Variants in MARCHF1 observed in about 807,000 individuals in gnomAD.
The protein encoded by MARCHF1 is membrane associated ring-CH-type finger 1.
Under a neutral mutation model 54.2 loss-of-function variants are expected in MARCHF1, and 40 were observed. That is an observed-to-expected ratio of 0.74 (90% CI 0.57 to 0.96). The LOEUF (loss-of-function observed/expected upper bound fraction) is 0.96. MARCHF1 is among the 40% of genes least tolerant of loss of function. The pLI is 0.00. For synonymous variants in MARCHF1, 236 were observed against 236.3 expected (o/e 1.00, Z 0.01); for missense variants, 586 against 656.5 (o/e 0.89, Z 1.17).
chr4:164,332,814 A>C (rs1729595210), intron 1 of MARCHF1, among the ~76,000 whole-genome samples: 1 of 152,200 alleles, frequency 6.6e-6, no homozygotes, highest in South Asian at 2.1e-4. Context: ...TTAGAAAAAA[A>C]CACATTAACA....
intron 1 of MARCHF1, among the ~76,000 whole-genome samples, chr4:164,381,553 C>T (rs1449460362): frequency 1.3e-5 from 2 of 152,138 alleles, no homozygotes; most frequent in Non-Finnish European, 1.5e-5. Context: ...AACATCTTAT[C>T]GCTAAAGGTA....
rs1445346493 is a variant in MARCHF1, at chr4:163,634,167, A to C, written c.163-20774T>G. Among the ~76,000 whole-genome samples, 4 of 152,260 alleles carry C rather than the reference A, an allele frequency of 2.6e-5. No individual in the cohort carries two copies. In the East Asian group the frequency reaches 5.8e-4, roughly 22 times the overall value. On this transcript the variant is annotated intron_variant, in intron 5 of 9. Coordinates refer to ENST00000514618, the MANE Select transcript of MARCHF1 (RefSeq NM_001394959.1). ...ATGCCAAAATGTAAAGACCATAGAG[A>C]CTAGGAAGAAACTGCATCAACTAAT...
intron 4 of MARCHF1, among the ~76,000 whole-genome samples, chr4:163,818,271 T>G (rs1048214730): frequency 2.6e-5 from 4 of 152,084 alleles, no homozygotes; most frequent in African/African-American, 9.7e-5. Context: ...ATTATTATTT[T>G]TTTAAGTTCC....
chr4:164,337,635 C>T (rs1030473961), intron 1 of MARCHF1, among the ~76,000 whole-genome samples: 1 of 152,224 alleles, frequency 6.6e-6, no homozygotes, highest in African/African-American at 2.4e-5. Flanking sequence ...GTGTACACCT[C>T]CTAACTAGCC....
At chr4:163,631,046 G>C (rs1033187068) in intron 5 of MARCHF1, among the ~76,000 whole-genome samples, 1 of 152,152 alleles carries the variant, frequency 6.6e-6, no homozygotes, top group Non-Finnish European at 1.5e-5. Context: ...GTGATTCCCA[G>C]TTTCATAGAA....
intron 1 of MARCHF1, among the ~76,000 whole-genome samples, chr4:164,268,422 T>C (rs1364574095): frequency 6.6e-6 from 1 of 152,152 alleles, no homozygotes; most frequent in Non-Finnish European, 1.5e-5. Flanking sequence ...GGATTAGACA[T>C]AGCAGGTTTG....
intron 4 of MARCHF1, among the ~76,000 whole-genome samples, chr4:163,781,113 GGGC>G (rs1747452928): frequency 6.6e-6 from 1 of 152,080 alleles, no homozygotes; most frequent in Non-Finnish European, 1.5e-5. Context: ...GGAGGCCAAG[GGGC>G]GGGGGGGGTG....
At chr4:164,286,232 T>C (rs1197942126) in intron 1 of MARCHF1, among the ~76,000 whole-genome samples, 4 of 152,264 alleles carry the variant, frequency 2.6e-5, no homozygotes, top group South Asian at 2.1e-4. Context: ...CTGGCAACCT[T>C]ACACAGGAGA....
intron 3 of MARCHF1, among the ~76,000 whole-genome samples, chr4:163,895,806 A>T (rs1750793395): frequency 6.6e-6 from 1 of 152,140 alleles, no homozygotes; most frequent in Non-Finnish European, 1.5e-5. Context: ...CTCGGCTGTC[A>T]CTATGACATG....
chr4:164,109,911 G>GT (rs1649837036), intron 2 of MARCHF1, among the ~76,000 whole-genome samples: 1 of 16,012 alleles, frequency 6.2e-5, no homozygotes, highest in African/African-American at 2.2e-4. Flanking sequence ...TAAAATAAAA[G>GT]TAAAAAAAAA....
intron 1 of MARCHF1, among the ~76,000 whole-genome samples, chr4:164,257,400 T>C (rs1163600475): frequency 2.6e-5 from 4 of 152,016 alleles, no homozygotes; most frequent in African/African-American, 9.7e-5. Flanking sequence ...ACCTTAGAGA[T>C]ATATTGGAGG....
chr4:163,888,124 C>T lies in MARCHF1; in HGVS notation c.-38-33955G>A, dbSNP rs145229449. ...GTTGGGTGCAACAAACCCCATGACA[C>T]GTGTATACCTATGTAACAAACCTGT... On this transcript the variant is annotated intron_variant, in intron 3 of 9. Coordinates refer to ENST00000514618, the MANE Select transcript of MARCHF1 (RefSeq NM_001394959.1). Among the ~76,000 whole-genome samples, 341 of 152,214 alleles carry T rather than the reference C, an allele frequency of 2.2e-3. 2 individuals are homozygous for T. The highest frequency in any genetic ancestry group is 6.8e-3 in the Middle Eastern group (2 of 294).
chr4:163,869,134 G>C (rs1331144797), intron 3 of MARCHF1, among the ~76,000 whole-genome samples: 2 of 151,662 alleles, frequency 1.3e-5, no homozygotes, highest in African/African-American at 4.8e-5. Flanking sequence ...AAGATCTCTA[G>C]AGAAGCTAGA....
chr4:163,758,349 C>T (rs1352575781), intron 4 of MARCHF1, among the ~76,000 whole-genome samples: 1 of 152,160 alleles, frequency 6.6e-6, no homozygotes, highest in Non-Finnish European at 1.5e-5. Context: ...CAGGGGAAGA[C>T]CAAGACAATG....
intron 2 of MARCHF1, among the ~76,000 whole-genome samples, chr4:164,045,164 G>A (rs1231014385): frequency 2.0e-5 from 3 of 151,596 alleles, no homozygotes; most frequent in Non-Finnish European, 4.4e-5. Context: ...ATAAAAAAGG[G>A]CCCTCTAAAA....
chr4:163,857,334 C>T (rs1457103277), intron 3 of MARCHF1, among the ~76,000 whole-genome samples: 2 of 152,054 alleles, frequency 1.3e-5, no homozygotes, highest in African/African-American at 2.4e-5. Flanking sequence ...GATTGCTGAG[C>T]CTCTGTAGAC....
At chr4:164,279,041 T>C (rs1415246632) in intron 1 of MARCHF1, among the ~76,000 whole-genome samples, 1 of 151,834 alleles carries the variant, frequency 6.6e-6, no homozygotes, top group Non-Finnish European at 1.5e-5. Flanking sequence ...AAATTGAAGA[T>C]TAGTATACAT....
intron 3 of MARCHF1, among the ~76,000 whole-genome samples, chr4:163,859,664 A>G (rs1217694580): frequency 1.3e-5 from 2 of 152,066 alleles, no homozygotes; most frequent in Non-Finnish European, 2.9e-5. Flanking sequence ...CCCGGGCGAG[A>G]AAAGCTTTTT....
At position 163,611,684 on chromosome 4, in the gene MARCHF1, C is replaced by T. The variant is rs529808048; in HGVS notation, c.1010+587G>A. The stretch of plus-strand genomic sequence containing the variant: ...CTAGAAAATATCCACATGTTGAAAC[C>T]TTTCGGTATATGTTTATCAGTAAAG... On this transcript the variant is annotated intron_variant, in intron 7 of 9. Coordinates refer to ENST00000514618, the MANE Select transcript of MARCHF1 (RefSeq NM_001394959.1). Among the ~76,000 whole-genome samples, 8 of 152,058 alleles carry T rather than the reference C, an allele frequency of 5.3e-5. No homozygotes were observed. The South Asian group carries it at 1.5e-3, about 28-fold the overall frequency.
Sources: allele counts gnomAD v4.1 joint callset (sites outside exome capture counted in the v4.1 genomes callset), GRCh38; gene constraint gnomAD v4.1.1; transcripts MANE v1.5; gene names NCBI Gene and HGNC (gene_info 2026-07-23, HGNC 2026-07-21).